DAG1: variants seen among roughly 807,000 people sequenced by gnomAD.
The protein encoded by DAG1 is dystroglycan 1 (dystrophin-associated glycoprotein 1).
DAG1 carries 8 observed loss-of-function variants against 46.1 expected under a neutral mutation model. The ratio of observed to expected loss-of-function variants is 0.17; its 90% CI spans 0.10 to 0.31. The LOEUF (loss-of-function observed/expected upper bound fraction) is 0.31, where lower values mean the gene tolerates loss of function less well. Ranked by LOEUF, DAG1 falls within the 10% of genes least tolerant of loss-of-function variation. The probability of loss-of-function intolerance (pLI) is 1.00; values close to 1 mark genes in which losing one functional copy is unlikely to be tolerated. For missense variants in DAG1, 1,003 were observed against 1,189.9 expected (o/e 0.84, Z 2.31); for synonymous variants, 495 against 481.8 (o/e 1.03, Z -0.36).
At position 49,533,307 on chromosome 3, in the gene DAG1, C is replaced by A; in HGVS notation, c.*108C>A. On this transcript the variant is annotated 3_prime_UTR_variant, in exon 3 of 3. Transcript: ENST00000308775. ...GACCATTGCCCACCGGGAGCCGACACCTGACCTAGCACACACTGACACAGG... is the reference window on the plus strand; with the variant it reads ...GACCATTGCCCACCGGGAGCCGACAACTGACCTAGCACACACTGACACAGG... The A allele has an allele frequency of 4.0e-6, 6 of 1,500,446 alleles. No homozygotes were observed. The highest frequency in any genetic ancestry group is 5.4e-6 in the Non-Finnish European group (6 of 1,109,698). 92.9% of individuals were successfully genotyped at this position (1,500,446 alleles called of 1,614,324 possible).
chr3:49,520,644 C>T (rs2051002946), intron 2 of DAG1, among the ~76,000 whole-genome samples: 1 of 152,182 alleles, frequency 6.6e-6, no homozygotes, highest in Non-Finnish European at 1.5e-5. Context: ...GGGAAGGGCC[C>T]AGCCCACACC....
intron 1 of DAG1, among the ~76,000 whole-genome samples, chr3:49,494,899 C>T (rs2050272698): frequency 6.6e-6 from 1 of 152,078 alleles, no homozygotes; most frequent in Non-Finnish European, 1.5e-5. Flanking sequence ...TCCCAAAGTG[C>T]TGGGATTACA....
intron 2 of DAG1, among the ~76,000 whole-genome samples, chr3:49,516,893 T>A (rs184924396): frequency 6.6e-6 from 1 of 152,172 alleles, no homozygotes; most frequent in East Asian, 1.9e-4. Flanking sequence ...ATAGTGTGGC[T>A]CCATTTTTAG....
intron 2 of DAG1, among the ~76,000 whole-genome samples, chr3:49,512,084 T>G (rs1185305873): frequency 6.6e-6 from 1 of 152,036 alleles, no homozygotes; most frequent in Admixed American, 6.6e-5. Context: ...CAGGCTGGAG[T>G]GCAGTGGTAC....
chr3:49,519,808 A>G (rs1466710118), intron 2 of DAG1, among the ~76,000 whole-genome samples: 1 of 152,228 alleles, frequency 6.6e-6, no homozygotes, highest in Non-Finnish European at 1.5e-5. Flanking sequence ...CTCCAGATTG[A>G]AGGACTGATT....
rs149896573 is a variant in DAG1 at position 49,527,843 on chromosome 3, C to T, written c.286-2954C>T. Among the ~76,000 whole-genome samples the T allele has an allele frequency of 2.7e-3, 418 of 152,296 alleles. 3 individuals carry two copies. The highest frequency in any genetic ancestry group is 9.3e-3 in the African/African-American group (388 of 41,566). On this transcript the variant is annotated intron_variant, in intron 2 of 2. Coordinates refer to ENST00000308775, the MANE Select transcript of DAG1 (RefSeq NM_004393.6). The stretch of plus-strand genomic sequence containing the variant: ...GCCATTTGGCTCCCTTCTTCTAGTC[C>T]CTCTCAACCTTGTTCAGTCTCCTCT...
chr3:49,531,210 C>T lies in DAG1; in HGVS notation c.699C>T (p.Asn233=). 6.2e-7 allele frequency: 1 copy of T among 1,614,176 alleles called. No homozygotes were observed. The change falls in exon 3 of 3, where the codon AAC becomes AAT. Residue 233 remains asparagine (N), a synonymous_variant. Coordinates refer to ENST00000308775, the MANE Select transcript of DAG1 (RefSeq NM_004393.6). The surrounding 1 kb of genome is among the most constrained non-coding windows in gnomAD (Gnocchi z 7.0). Reference sequence around the variant, plus strand: ...TGAAATTAGTGCCGGTGGTGAATAACAGACTATTTGACATGTCGGCCTTCA... The same window carrying T: ...TGAAATTAGTGCCGGTGGTGAATAATAGACTATTTGACATGTCGGCCTTCA... The part of the protein sequence containing the change: ...HNMKLVPVVN[N]RLFDMSAFMA...
Position 49,530,809 on chromosome 3 carries a change from G to A in DAG1, c.298G>A (p.Gly100Arg). The A allele has an allele frequency of 1.9e-6, 3 of 1,614,226 alleles. No homozygotes were observed. Among genetic ancestry groups the A allele is most frequent in the Non-Finnish European group, 2.5e-6 (3 of 1,180,038 alleles). ...GTGTCTCTTCTAGGTATCAGCGGCA[G>A]GGAAGGAGGCTTTGCCATCTTGGCT... ...SGDIIKVSAA[G>R]KEALPSWLHW... The change falls in exon 3 of 3, where the codon GGG becomes AGG. Residue 100 changes from glycine to arginine, a missense_variant. This residue lies in a region of DAG1 where 196 missense variants were observed against 239.1 expected (regional missense o/e 0.82). Coordinates refer to ENST00000308775, the MANE Select transcript of DAG1 (RefSeq NM_004393.6).
chr3:49,480,212 A>T (rs1307872075), intron 1 of DAG1, among the ~76,000 whole-genome samples: 1 of 149,410 alleles, frequency 6.7e-6, no homozygotes, highest in Non-Finnish European at 1.5e-5. Context: ...TTGGCCCCCC[A>T]AAGTGCTGGG....
At chr3:49,506,217 A>AT (rs1253959330) in intron 1 of DAG1, among the ~76,000 whole-genome samples, 1 of 152,142 alleles carries the variant, frequency 6.6e-6, no homozygotes, top group Non-Finnish European at 1.5e-5. Flanking sequence ...GACCCAGGTG[A>AT]TTCACCGGCC....
At chr3:49,525,214 A>G (rs1318130008) in intron 2 of DAG1, among the ~76,000 whole-genome samples, 1 of 152,138 alleles carries the variant, frequency 6.6e-6, no homozygotes, top group Non-Finnish European at 1.5e-5. Flanking sequence ...TGCCTGCTTC[A>G]GGGCTGTAGA....
chr3:49,499,647 A>G (rs1275335422), intron 1 of DAG1, among the ~76,000 whole-genome samples: 1 of 152,128 alleles, frequency 6.6e-6, no homozygotes, highest in Non-Finnish European at 1.5e-5. Context: ...GGCTGTCTGG[A>G]CAGAATGGGG....
chr3:49,524,855 A>G (rs553523012), intron 2 of DAG1, among the ~76,000 whole-genome samples: 44 of 151,660 alleles, frequency 2.9e-4, no homozygotes, highest in African/African-American at 9.9e-4. Flanking sequence ...GCACGTGCCT[A>G]TGTCCCAGCT....
Position 49,532,931 on chromosome 3 carries a change from C to G in DAG1, c.2420C>G (p.Ser807Cys), listed in dbSNP as rs576558444. The change falls in exon 3 of 3, where the codon TCC (serine) becomes TGC (cysteine). Residue 807 changes from serine to cysteine, a missense_variant. Physicochemically the swap from Ser to Cys is moderately radical, Grantham distance 112. Around this residue, in one of 3 missense-constraint regions of DAG1, gnomAD observed 755 missense variants for 854.1 expected, o/e 0.88. Coordinates refer to ENST00000308775, the MANE Select transcript of DAG1 (RefSeq NM_004393.6). This position sits in a 1 kb window ranked among gnomAD's most constrained non-coding sequence, Gnocchi z 5.4. Reference sequence around the variant, plus strand: ...ATCTTTGCAGACGAACTGGACGACTCCAAGCCCCCACCCTCCTCCAGCATG... The same window carrying G: ...ATCTTTGCAGACGAACTGGACGACTGCAAGCCCCCACCCTCCTCCAGCATG... ...PIIFADELDD[S>C]KPPPSSSMPL... The G allele has an allele frequency of 6.2e-7, 1 of 1,614,108 alleles. No individual in the cohort carries two copies. Among genetic ancestry groups the G allele is most frequent in the African/African-American group, 1.3e-5 (1 of 75,032 alleles).
At chr3:49,526,193 G>A (rs1290134914) in intron 2 of DAG1, among the ~76,000 whole-genome samples, 1 of 152,168 alleles carries the variant, frequency 6.6e-6, no homozygotes, top group African/African-American at 2.4e-5. Context: ...ACTCTGTCAT[G>A]AGAACAGCAC....
intron 1 of DAG1, among the ~76,000 whole-genome samples, chr3:49,486,331 G>C (rs908631974): frequency 1.3e-5 from 2 of 149,616 alleles, no homozygotes; most frequent in African/African-American, 4.9e-5. Flanking sequence ...CCATTCTCCT[G>C]CCTCAGCCTC....
At chr3:49,514,203 G>A (rs2050833945) in intron 2 of DAG1, among the ~76,000 whole-genome samples, 1 of 152,144 alleles carries the variant, frequency 6.6e-6, no homozygotes, top group Non-Finnish European at 1.5e-5. Context: ...AGGTCAGAAA[G>A]CCTGATCTTG....
intron 2 of DAG1, among the ~76,000 whole-genome samples, chr3:49,520,661 G>T (rs2051003654): frequency 6.6e-6 from 1 of 152,192 alleles, no homozygotes; most frequent in South Asian, 2.1e-4. Context: ...CACCTTAAGG[G>T]CTGACATGTC....
chr3:49,490,545 C>T (rs1214166426), intron 1 of DAG1, among the ~76,000 whole-genome samples: 1 of 151,430 alleles, frequency 6.6e-6, no homozygotes, highest in Non-Finnish European at 1.5e-5. Flanking sequence ...AGAAATCATG[C>T]CTCTTTATTC....
Sources: gnomAD v4.1 joint callset for allele counts (sites outside exome capture counted in the v4.1 genomes callset) on GRCh38, gnomAD v4.1.1 for gene constraint, gnomAD v4.1.1 regional missense constraint, Gnocchi (gnomAD v3.1) non-coding constraint, MANE v1.5 for transcripts, NCBI Gene and HGNC (gene_info 2026-07-23, HGNC 2026-07-21) for gene names.